The following PTPRD variants were observed in gnomAD, a reference collection of about 807,000 sequenced individuals.
PTPRD encodes receptor-type tyrosine-protein phosphatase delta.
A neutral mutation model predicts 214.5 loss-of-function variants in PTPRD; 34 were observed. The ratio of observed to expected loss-of-function variants is 0.16; its 90% CI spans 0.12 to 0.21. The LOEUF (loss-of-function observed/expected upper bound fraction) is 0.21, where lower values mean the gene tolerates loss of function less well. PTPRD is among the 10% of genes least tolerant of loss of function. The pLI, the probability that PTPRD is intolerant of heterozygous loss-of-function variation, is 1.00. For synonymous variants in PTPRD, 1,128 were observed against 845.7 expected, an observed-to-expected ratio of 1.33 and a Z score of -5.79; for missense variants, 2,545 against 2,398.7, an observed-to-expected ratio of 1.06 and a Z score of -1.27.
chr9:9,996,333 C>T (rs906870438), intron 4 of PTPRD, among the ~76,000 whole-genome samples: 1 of 152,012 alleles, frequency 6.6e-6, no homozygotes, highest in Admixed American at 6.6e-5. Flanking sequence ...ATTTGTTACA[C>T]AATATTACCA....
chr9:8,724,712 G>A (rs1479798011), intron 12 of PTPRD, among the ~76,000 whole-genome samples: 1 of 151,928 alleles, frequency 6.6e-6, no homozygotes, highest in Non-Finnish European at 1.5e-5. Flanking sequence ...GGTGGGTGGA[G>A]AGCTTGAGCC....
In PTPRD at chr9:9,190,261, G is replaced by C. The variant is rs188344538; in HGVS notation, c.-202-6898C>G. 3.9e-3 allele frequency among the ~76,000 whole-genome samples: 601 copies of C among 152,154 alleles called. 1 individual carries two copies. The highest frequency in any genetic ancestry group is 0.014 in the Middle Eastern group (4 of 294). On this transcript the variant is annotated intron_variant, in intron 9 of 45. Coordinates refer to ENST00000381196, the MANE Select transcript of PTPRD (RefSeq NM_002839.4). ...AAAGGATGAGTGATATGGTTTGACT[G>C]TGTCCCCACCCAAATCTCAATTTGA... is the stretch of plus-strand genomic sequence containing the variant.
Position 8,835,779 on chromosome 9 carries a change from C to A in PTPRD, c.-103-101833G>T, listed in dbSNP as rs79214051. Among the ~76,000 whole-genome samples the A allele has an allele frequency of 4.0e-3, 611 of 152,254 alleles. 2 individuals are homozygous for A. The highest frequency in any genetic ancestry group is 0.014 in the African/African-American group (583 of 41,538). ...TCTTGAACTCCTGGGCTCAAGTGAT[C>A]CTCCCTCCTCAGACTCCCAAAGTGC... On this transcript the variant is annotated intron_variant, in intron 11 of 45. Coordinates refer to ENST00000381196, the MANE Select transcript of PTPRD (RefSeq NM_002839.4).
At chr9:9,509,684 G>C (rs1401840587) in intron 8 of PTPRD, among the ~76,000 whole-genome samples, 2 of 151,414 alleles carry the variant, frequency 1.3e-5, no homozygotes, top group Admixed American at 1.3e-4. Context: ...GTATTCCTTG[G>C]CTATCTTCAT....
intron 9 of PTPRD, among the ~76,000 whole-genome samples, chr9:9,264,384 G>A (rs930549712): frequency 6.6e-6 from 1 of 151,566 alleles, no homozygotes; most frequent in African/African-American, 2.4e-5. Flanking sequence ...TACCAGGATT[G>A]AAGTAAAAAA....
chr9:9,550,592 C>A (rs2079968435), intron 8 of PTPRD, among the ~76,000 whole-genome samples: 1 of 150,154 alleles, frequency 6.7e-6, no homozygotes, highest in Non-Finnish European at 1.5e-5. Context: ...CCTATTGGTT[C>A]TGTTGCTCTG....
chr9:8,483,076 C>G (rs191988109), intron 30 of PTPRD, among the ~76,000 whole-genome samples: 2 of 152,296 alleles, frequency 1.3e-5, no homozygotes, highest in Admixed American at 1.3e-4. Flanking sequence ...TACCACAGTA[C>G]TTGTAGTTCA....
intron 4 of PTPRD, among the ~76,000 whole-genome samples, chr9:9,965,712 G>T (rs1186567003): frequency 6.6e-6 from 1 of 152,162 alleles, no homozygotes; most frequent in Non-Finnish European, 1.5e-5. Context: ...GGCTGTAAGT[G>T]TTGGGTAAGT....
At chr9:10,482,279 G>C (rs929525421) in intron 2 of PTPRD, among the ~76,000 whole-genome samples, 2 of 151,996 alleles carry the variant, frequency 1.3e-5, no homozygotes. Flanking sequence ...GCTGAGGCAG[G>C]AGAATGGCAT....
At chr9:9,560,228 G>A (rs1385227811) in intron 8 of PTPRD, among the ~76,000 whole-genome samples, 1 of 152,156 alleles carries the variant, frequency 6.6e-6, no homozygotes, top group Non-Finnish European at 1.5e-5. Context: ...ACAGGCACTA[G>A]AGGAAGTACA....
At chr9:8,835,387 T>C (rs1000731949) in intron 11 of PTPRD, among the ~76,000 whole-genome samples, 4 of 152,216 alleles carry the variant, frequency 2.6e-5, no homozygotes, top group Non-Finnish European at 4.4e-5. Context: ...CCAAGGTCTC[T>C]ACTAAACTCT....
intron 11 of PTPRD, among the ~76,000 whole-genome samples, chr9:8,929,887 G>GTGTATATATC (rs2098938195): frequency 2.0e-5 from 2 of 102,180 alleles, no homozygotes; most frequent in African/African-American, 6.9e-5. Context: ...ATATATGTGT[G>GTGTATATATC]TGTATATATA....
At chr9:8,845,821 G>A (rs2097683742) in intron 11 of PTPRD, among the ~76,000 whole-genome samples, 1 of 152,120 alleles carries the variant, frequency 6.6e-6, no homozygotes, top group Non-Finnish European at 1.5e-5. Flanking sequence ...TGTGAGTCTG[G>A]CTTGCCAGAA....
chr9:9,815,467 T>C lies in PTPRD; in HGVS notation c.-367-48616A>G, dbSNP rs1030154242. On this transcript the variant is annotated intron_variant, in intron 5 of 45. Transcript: ENST00000381196. ...GAAATTGATCTGGGAAATGATTTTTTTAGATGACACCGAAAGCAAAGTCAA... is the reference window on the plus strand; with the variant it reads ...GAAATTGATCTGGGAAATGATTTTTCTAGATGACACCGAAAGCAAAGTCAA... Among the ~76,000 whole-genome samples, 14 of 152,104 alleles carry C rather than the reference T, an allele frequency of 9.2e-5. 1 individual carries two copies. The highest frequency in any genetic ancestry group is 3.4e-4 in the African/African-American group (14 of 41,398).
chr9:10,181,942 TAAAAAAAAA>T (rs3075573), intron 3 of PTPRD, among the ~76,000 whole-genome samples: 1 of 38,512 alleles, frequency 2.6e-5, no homozygotes, highest in Admixed American at 3.1e-4. Flanking sequence ...TCATAAATAC[TAAAAAAAAA>T]AAAAAAAAAA....
At chr9:9,938,127 G>A (rs1006804552) in intron 5 of PTPRD, among the ~76,000 whole-genome samples, 1 of 152,084 alleles carries the variant, frequency 6.6e-6, no homozygotes, top group Non-Finnish European at 1.5e-5. Flanking sequence ...AGGTGGCACT[G>A]AACAATGTGT....
chr9:9,111,850 T>C (rs75267335), intron 10 of PTPRD, among the ~76,000 whole-genome samples: 3,230 of 152,268 alleles, frequency 0.021, 62 homozygotes, highest in East Asian at 0.07. Context: ...TACTTTTTTC[T>C]CTATTTCCAC....
At chr9:8,605,697 A>G (rs573072328) in intron 14 of PTPRD, among the ~76,000 whole-genome samples, 1 of 152,338 alleles carries the variant, frequency 6.6e-6, no homozygotes, top group Non-Finnish European at 1.5e-5. Flanking sequence ...GCTTTTGCAC[A>G]TGATGTGACA....
intron 14 of PTPRD, among the ~76,000 whole-genome samples, chr9:8,611,547 A>C (rs2095445656): frequency 1.3e-5 from 2 of 151,970 alleles, no homozygotes; most frequent in African/African-American, 4.8e-5. Context: ...TCTACAAAAA[A>C]TACAAAAATT....
Sources: gnomAD v4.1 joint callset for allele counts (sites outside exome capture counted in the v4.1 genomes callset) on GRCh38, gnomAD v4.1.1 for gene constraint, MANE v1.5 for transcripts, NCBI Gene and HGNC (gene_info 2026-07-23, HGNC 2026-07-21) for gene names.